The following CDH10 variants were observed in gnomAD, a reference collection of about 807,000 sequenced individuals.
CDH10 encodes cadherin-10.
In CDH10, 30 loss-of-function variants were observed where a neutral mutation model predicts 73.1. The ratio of observed to expected loss-of-function variants is 0.41; its 90% CI spans 0.31 to 0.56. The LOEUF is 0.56. Ranked by LOEUF, CDH10 falls within the 20% of genes least tolerant of loss-of-function variation. CDH10 has a pLI of 0.27. For missense variants in CDH10, 815 were observed against 973.7 expected (o/e 0.84, Z 2.17); for synonymous variants, 345 against 348.2 (o/e 0.99, Z 0.10).
intron 1 of CDH10, among the ~76,000 whole-genome samples, chr5:24,604,379 A>AT (rs1233890060): frequency 2.0e-5 from 3 of 152,112 alleles, no homozygotes; most frequent in Non-Finnish European, 4.4e-5. Context: ...AAATTTACCA[A>AT]TGTGCAATAA....
chr5:24,586,434 CTTTTTT>C lies in CDH10; in HGVS notation c.231+6820_231+6825del, dbSNP rs35486231. On this transcript the variant is annotated intron_variant, in intron 2 of 11. Transcript: ENST00000264463. ...GAAAATTTACATGCTTTATTAACTC[CTTTTTT>C]TTTTTTTTTTTTTTTTGAGACGGAG... Among the ~76,000 whole-genome samples the C allele has an allele frequency of 4.5e-3, 456 of 100,392 alleles. 2 individuals carry two copies. Among genetic ancestry groups the C allele is most frequent in the South Asian group, 0.016 (44 of 2,780 alleles). 65.9% of individuals were successfully genotyped at this position (100,392 alleles called of 152,430 possible). A position where few individuals can be genotyped will look rare whatever the true frequency, so the allele number is the denominator to read the frequency against.
intron 9 of CDH10, among the ~76,000 whole-genome samples, chr5:24,493,550 A>G (rs1031794467): frequency 2.0e-5 from 3 of 151,880 alleles, no homozygotes; most frequent in East Asian, 1.9e-4. Flanking sequence ...AAAGTAGACA[A>G]TTTAGCCCCT....
chr5:24,603,603 T>G (rs891782739), intron 1 of CDH10, among the ~76,000 whole-genome samples: 1 of 152,112 alleles, frequency 6.6e-6, no homozygotes, highest in Non-Finnish European at 1.5e-5. Context: ...GAAAAAACAT[T>G]AGACAAAATC....
intron 7 of CDH10, among the ~76,000 whole-genome samples, chr5:24,508,755 G>A (rs576865336): frequency 4.9e-4 from 75 of 152,040 alleles, no homozygotes; most frequent in African/African-American, 1.6e-3. Flanking sequence ...CTGAGCTTAA[G>A]CAATATGTCC....
chr5:24,573,194 G>C (rs72752012), intron 2 of CDH10, among the ~76,000 whole-genome samples: 1 of 151,762 alleles, frequency 6.6e-6, no homozygotes, highest in South Asian at 2.1e-4. Flanking sequence ...AAAATTTGAA[G>C]AGTTAAAAAA....
chr5:24,604,132 T>G (rs1222004514), intron 1 of CDH10, among the ~76,000 whole-genome samples: 2 of 152,150 alleles, frequency 1.3e-5, no homozygotes, highest in Non-Finnish European at 1.5e-5. Context: ...GAGGACTACT[T>G]GAGGCCAGGA....
At chr5:24,518,995 A>T (rs1399365221) in intron 5 of CDH10, among the ~76,000 whole-genome samples, 1 of 143,002 alleles carries the variant, frequency 7.0e-6, no homozygotes, top group East Asian at 2.1e-4. Context: ...GGTTCAAGTG[A>T]TTCTCATGTG....
intron 1 of CDH10, among the ~76,000 whole-genome samples, chr5:24,642,482 C>A (rs1263782823): frequency 1.3e-5 from 2 of 152,050 alleles, no homozygotes; most frequent in African/African-American, 2.4e-5. Context: ...AAAAAACATA[C>A]CTCTTCCAGA....
At position 24,604,892 on chromosome 5, in the gene CDH10, AAAACAAAAACAAAC is replaced by A. The variant is rs1561192116; in HGVS notation, c.-123-11293_-123-11280del. Among the ~76,000 whole-genome samples, 149 of 147,016 alleles carry A rather than the reference AAAACAAAAACAAAC, an allele frequency of 1.0e-3. 2 individuals carry two copies. The highest frequency in any genetic ancestry group is 3.8e-3 in the African/African-American group (142 of 37,038). On this transcript the variant is annotated intron_variant, in intron 1 of 11. Coordinates refer to ENST00000264463, the MANE Select transcript of CDH10 (RefSeq NM_006727.5). ...TCTCTAAAAAAAAAAAAAAAAAAAA[AAAACAAAAACAAAC>A]AAACAAACAAAAGAAAGTCAAAAAC...
chr5:24,517,797 T>A (rs1743166239), intron 5 of CDH10, among the ~76,000 whole-genome samples: 1 of 152,148 alleles, frequency 6.6e-6, no homozygotes, highest in South Asian at 2.1e-4. Context: ...TTTATCTTTA[T>A]TTTTATGGCC....
chr5:24,564,286 G>A (rs565693748), intron 2 of CDH10, among the ~76,000 whole-genome samples: 2 of 152,154 alleles, frequency 1.3e-5, no homozygotes, highest in Admixed American at 1.3e-4. Context: ...CCAAAATGTC[G>A]AATGCTTTAT....
chr5:24,586,115 A>G (rs1745984086), intron 2 of CDH10, among the ~76,000 whole-genome samples: 1 of 152,204 alleles, frequency 6.6e-6, no homozygotes, highest in South Asian at 2.1e-4. Flanking sequence ...ATTTGATATA[A>G]TAGTATACAT....
At chr5:24,571,842 C>A (rs750564130) in intron 2 of CDH10, among the ~76,000 whole-genome samples, 1 of 151,964 alleles carries the variant, frequency 6.6e-6, no homozygotes, top group Non-Finnish European at 1.5e-5. Flanking sequence ...TTAAAACTAC[C>A]CCCATGACCT....
chr5:24,615,651 G>C (rs961237622), intron 1 of CDH10, among the ~76,000 whole-genome samples: 2 of 152,354 alleles, frequency 1.3e-5, no homozygotes, highest in East Asian at 3.9e-4. Flanking sequence ...GAAGCCTGAA[G>C]TGTTGGTGAA....
intron 2 of CDH10, among the ~76,000 whole-genome samples, chr5:24,549,927 C>A (rs1744484045): frequency 6.6e-6 from 1 of 151,914 alleles, no homozygotes; most frequent in Non-Finnish European, 1.5e-5. Context: ...AAATAGGTTT[C>A]AAAGAAAGGT....
chr5:24,545,041 T>A (rs771434562), intron 2 of CDH10, among the ~76,000 whole-genome samples: 1 of 152,198 alleles, frequency 6.6e-6, no homozygotes, highest in Admixed American at 6.6e-5. Context: ...AGTTCTTAAG[T>A]GGTATATAAA....
At chr5:24,626,503 C>G (rs532406303) in intron 1 of CDH10, among the ~76,000 whole-genome samples, 14 of 152,204 alleles carry the variant, frequency 9.2e-5, no homozygotes, top group African/African-American at 2.9e-4. Context: ...ATATTAAACA[C>G]ATTCATAGTA....
chr5:24,505,794 C>A (rs1326302833), intron 7 of CDH10, among the ~76,000 whole-genome samples: 1 of 152,100 alleles, frequency 6.6e-6, no homozygotes, highest in Non-Finnish European at 1.5e-5. Flanking sequence ...ACACATATTG[C>A]TTTTAACTTG....
Position 24,509,640 on chromosome 5 carries a change from A to T in CDH10, c.1182T>A (p.His394Gln), listed in dbSNP as rs151317371. 3 of 1,613,582 alleles carry T rather than the reference A, an allele frequency of 1.9e-6. No homozygotes were observed. Among genetic ancestry groups the T allele is most frequent in the Non-Finnish European group, 2.5e-6 (3 of 1,179,510 alleles). ...FSRSSYLFEV[H>Q]EDIEVGTIIG... The stretch of plus-strand genomic sequence containing the variant: ...TGATTGTGCCCACTTCAATATCTTC[A>T]TGAACTTCAAACAGATAGGAGGACC... Residue 394 changes from histidine to glutamine, a missense_variant, in exon 7 of 12, where the codon CAT becomes CAA. His to Gln is a conservative substitution (Grantham distance 24). Transcript: ENST00000264463.
Sources: allele counts gnomAD v4.1 joint callset (sites outside exome capture counted in the v4.1 genomes callset), GRCh38; gene constraint gnomAD v4.1.1; transcripts MANE v1.5; gene names NCBI Gene and HGNC (gene_info 2026-07-23, HGNC 2026-07-21).